Variants in MARCHF1 observed in about 807,000 individuals in gnomAD.
The protein encoded by MARCHF1 is E3 ubiquitin-protein ligase MARCHF1.
In MARCHF1, 40 loss-of-function variants were observed where a neutral mutation model predicts 54.2. The ratio of observed to expected loss-of-function variants is 0.74; its 90% CI spans 0.57 to 0.96. MARCHF1 has a LOEUF of 0.96. MARCHF1 is among the 40% of genes least tolerant of loss of function. The pLI is 0.00. For synonymous variants in MARCHF1, 236 were observed against 236.3 expected (o/e 1.00, Z 0.01); for missense variants, 586 against 656.5 (o/e 0.89, Z 1.17).
intron 4 of MARCHF1, among the ~76,000 whole-genome samples, chr4:163,836,403 G>T (rs1459514960): frequency 1.2e-4 from 18 of 148,384 alleles, no homozygotes; most frequent in Non-Finnish European, 1.0e-4. Context: ...CCGCCACCAC[G>T]CCCGGCTAAT....
rs1235963185 is a variant in MARCHF1 at position 163,894,583 on chromosome 4, CATATAT to C, written c.-38-40420_-38-40415del. Among the ~76,000 whole-genome samples the C allele has an allele frequency of 1.8e-4, 10 of 56,240 alleles. No individual in the cohort carries two copies. In the South Asian group the frequency reaches 6.2e-3, roughly 35 times the overall value. 36.9% of individuals were successfully genotyped at this position (56,240 alleles called of 152,430 possible). On this transcript the variant is annotated intron_variant, in intron 3 of 9. Transcript: ENST00000514618. ...TGCATATATATATATGCATGTGATG[CATATAT>C]ATATATGCATGTGATGCATATATAT...
intron 1 of MARCHF1, among the ~76,000 whole-genome samples, chr4:164,285,521 C>T (rs775669353): frequency 3.5e-4 from 53 of 152,046 alleles, no homozygotes; most frequent in Non-Finnish European, 6.8e-4. Flanking sequence ...CGGCTCACGG[C>T]AAGCTCCGCC....
rs114499607 is a variant in MARCHF1, at chr4:163,772,138, G to A, written c.112-71275C>T. On this transcript the variant is annotated intron_variant, in intron 4 of 9. Transcript: ENST00000514618. Reference sequence around the variant, plus strand: ...CATCTCTGGCTTTTACAATTGTACAGCTTTAAATGAAATAAAGTATCTTAG... The same window carrying A: ...CATCTCTGGCTTTTACAATTGTACAACTTTAAATGAAATAAAGTATCTTAG... 7.6e-3 allele frequency among the ~76,000 whole-genome samples: 1,158 copies of A among 152,198 alleles called. 11 individuals carry two copies. The highest frequency in any genetic ancestry group is 0.026 in the African/African-American group (1,092 of 41,512).
intron 2 of MARCHF1, among the ~76,000 whole-genome samples, chr4:164,069,119 A>G (rs1044736591): frequency 6.6e-6 from 1 of 152,182 alleles, no homozygotes. Flanking sequence ...AAATACACCA[A>G]CTGACACTCT....
At chr4:163,679,053 TC>T (rs1437239797) in intron 5 of MARCHF1, among the ~76,000 whole-genome samples, 1 of 152,246 alleles carries the variant, frequency 6.6e-6, no homozygotes, top group African/African-American at 2.4e-5. Flanking sequence ...GGATGAAGCA[TC>T]CAGTGGAGTT....
chr4:163,932,082 T>C (rs1467486560), intron 3 of MARCHF1, among the ~76,000 whole-genome samples: 1 of 150,940 alleles, frequency 6.6e-6, no homozygotes, highest in Non-Finnish European at 1.5e-5. Context: ...CAAAACAATG[T>C]ACGTAATTTA....
At chr4:163,827,426 T>C (rs1401872306) in intron 4 of MARCHF1, among the ~76,000 whole-genome samples, 1 of 152,184 alleles carries the variant, frequency 6.6e-6, no homozygotes, top group Non-Finnish European at 1.5e-5. Context: ...GGTCAAATGA[T>C]TTCTTTAAAT....
intron 1 of MARCHF1, among the ~76,000 whole-genome samples, chr4:164,141,295 T>C (rs1756527949): frequency 6.6e-6 from 1 of 152,216 alleles, no homozygotes; most frequent in African/African-American, 2.4e-5. Flanking sequence ...CTGACATAGA[T>C]GTTGCTTTCT....
intron 2 of MARCHF1, among the ~76,000 whole-genome samples, chr4:164,061,593 A>G (rs926419484): frequency 2.0e-5 from 3 of 150,650 alleles, no homozygotes; most frequent in African/African-American, 7.3e-5. Context: ...ATGACGAGTT[A>G]ATGGGTGCAG....
At chr4:164,248,375 T>C (rs1276972737) in intron 1 of MARCHF1, among the ~76,000 whole-genome samples, 1 of 152,052 alleles carries the variant, frequency 6.6e-6, no homozygotes, top group Admixed American at 6.6e-5. Flanking sequence ...TGTTAAAGCC[T>C]TTTAGATATC....
At chr4:163,726,216 A>G (rs112676927) in intron 4 of MARCHF1, among the ~76,000 whole-genome samples, 70 of 152,260 alleles carry the variant, frequency 4.6e-4, no homozygotes, top group African/African-American at 1.6e-3. Flanking sequence ...ATCCACCATC[A>G]TAGTATTATA....
chr4:164,370,302 C>A (rs1467659225), intron 1 of MARCHF1, among the ~76,000 whole-genome samples: 1 of 152,212 alleles, frequency 6.6e-6, no homozygotes, highest in Non-Finnish European at 1.5e-5. Flanking sequence ...CCACCACAAC[C>A]TCTCAGGCCT....
At chr4:163,722,837 G>T (rs1229640512) in intron 4 of MARCHF1, among the ~76,000 whole-genome samples, 1 of 152,146 alleles carries the variant, frequency 6.6e-6, no homozygotes, top group Non-Finnish European at 1.5e-5. Context: ...TCAGAGACTA[G>T]GATTGCAACC....
intron 5 of MARCHF1, among the ~76,000 whole-genome samples, chr4:163,656,124 T>TC (rs1378225147): frequency 6.7e-6 from 1 of 149,840 alleles, no homozygotes; most frequent in Non-Finnish European, 1.5e-5. Context: ...AGGAGCTGTT[T>TC]TTTTTTTGAA....
intron 4 of MARCHF1, among the ~76,000 whole-genome samples, chr4:163,825,965 A>G (rs1013826522): frequency 6.6e-6 from 1 of 152,030 alleles, no homozygotes; most frequent in Non-Finnish European, 1.5e-5. Flanking sequence ...GCAGAGGAGT[A>G]AATTGGCTAT....
chr4:164,191,422 C>T (rs1413748336), intron 1 of MARCHF1, among the ~76,000 whole-genome samples: 1 of 152,152 alleles, frequency 6.6e-6, no homozygotes, highest in Non-Finnish European at 1.5e-5. Flanking sequence ...TGTTATTTAA[C>T]AAAGAAATGT....
intron 2 of MARCHF1, among the ~76,000 whole-genome samples, chr4:164,000,178 C>T (rs1194235970): frequency 6.6e-6 from 1 of 151,612 alleles, no homozygotes; most frequent in Non-Finnish European, 1.5e-5. Flanking sequence ...TTCTATACTA[C>T]TTGGCCATTT....
chr4:163,759,290 T>C (rs1746765298), intron 4 of MARCHF1, among the ~76,000 whole-genome samples: 2 of 152,182 alleles, frequency 1.3e-5, no homozygotes, highest in South Asian at 4.1e-4. Context: ...ATACCAATTA[T>C]TATTTTATTG....
intron 9 of MARCHF1, among the ~76,000 whole-genome samples, chr4:163,540,876 C>T (rs995698854): frequency 4.6e-5 from 7 of 152,016 alleles, no homozygotes; most frequent in Admixed American, 1.3e-4. Context: ...TAGCTGGGCA[C>T]GGTGATTCCC....
Sources: gnomAD v4.1 joint callset for allele counts (sites outside exome capture counted in the v4.1 genomes callset) on GRCh38, gnomAD v4.1.1 for gene constraint, MANE v1.5 for transcripts, NCBI Gene and HGNC (gene_info 2026-07-23, HGNC 2026-07-21) for gene names.